UPF3B: variants seen among roughly 807,000 people sequenced by gnomAD.
UPF3B encodes regulator of nonsense transcripts 3B.
In UPF3B, 7 loss-of-function variants were observed where a neutral mutation model predicts 40.3. The ratio of observed to expected loss-of-function variants is 0.17; its 90% CI spans 0.10 to 0.33. UPF3B has a LOEUF of 0.33. Ranked by LOEUF, UPF3B falls within the 10% of genes least tolerant of loss-of-function variation. The pLI is 1.00. For synonymous variants in UPF3B, 117 were observed against 117.3 expected (o/e 1.00, Z 0.01); for missense variants, 229 against 358.9 (o/e 0.64, Z 2.93).
Position 119,851,814 on chromosome X carries a change from T to A in UPF3B, c.216A>T (p.Gln72His). The A allele has an allele frequency of 8.5e-7, 1 of 1,178,608 alleles. No individual in the cohort carries two copies. The highest frequency in any genetic ancestry group is 1.1e-6 in the Non-Finnish European group (1 of 879,917). ...LTKEQLQEHL[Q>H]PMPEHDYFEF... The stretch of plus-strand genomic sequence containing the variant: ...CAAAATAATCATGCTCAGGCATAGG[T>A]TGAAGATGTTCCTGAAGCTGCTCCT... The change falls in exon 2 of 11, where the codon CAA becomes CAT. Residue 72 changes from glutamine (Q) to histidine (H), a missense_variant. Coordinates refer to ENST00000276201, the MANE Select transcript of UPF3B (RefSeq NM_080632.3).
chrX:119,814,867 T>C (rs1051137136), intron 5 of UPF3B, among the ~76,000 whole-genome samples: 4 of 81,694 alleles, frequency 4.9e-5, no homozygotes, highest in East Asian at 7.0e-4. Flanking sequence ...TTCTTTTTTT[T>C]TTTTTTTTTT....
At chrX:119,811,858 G>A (rs2055829871) in intron 5 of UPF3B, among the ~76,000 whole-genome samples, 1 of 111,205 alleles carries the variant, frequency 9.0e-6, no homozygotes, top group African/African-American at 3.3e-5. Flanking sequence ...AGGCTGATGT[G>A]GGAGGATCAA....
intron 6 of UPF3B, among the ~76,000 whole-genome samples, chrX:119,806,390 G>A (rs1482641815): frequency 1.0e-5 from 1 of 95,321 alleles, no homozygotes; most frequent in African/African-American, 3.9e-5. Flanking sequence ...GCTAGATGAC[G>A]AGTTAGTGGG....
intron 4 of UPF3B, among the ~76,000 whole-genome samples, chrX:119,817,905 T>TGTA (rs2055878895): frequency 9.0e-6 from 1 of 111,509 alleles, no homozygotes; most frequent in Non-Finnish European, 1.9e-5. Flanking sequence ...ATGGATAACT[T>TGTA]GTAAGAAAGG....
intron 4 of UPF3B, among the ~76,000 whole-genome samples, chrX:119,819,725 A>C (rs2055894746): frequency 8.9e-6 from 1 of 112,243 alleles, no homozygotes; most frequent in Non-Finnish European, 1.9e-5. Context: ...ATACATACAT[A>C]AATGGCTAGT....
intron 5 of UPF3B, among the ~76,000 whole-genome samples, chrX:119,811,901 G>A (rs1047268446): frequency 9.0e-6 from 1 of 111,008 alleles, no homozygotes; most frequent in African/African-American, 3.3e-5. Context: ...GCAGTGAGCC[G>A]TGATTGTGCC....
intron 4 of UPF3B, among the ~76,000 whole-genome samples, chrX:119,822,601 CTTTA>C (rs1038483650): frequency 9.0e-6 from 1 of 111,536 alleles, no homozygotes; most frequent in African/African-American, 3.3e-5. Flanking sequence ...CTCCTCTCCT[CTTTA>C]TTTTTTTTTA....
At chrX:119,814,859 CTTTTTTTTTT>C (rs140201169) in intron 5 of UPF3B, among the ~76,000 whole-genome samples, 7 of 46,263 alleles carry the variant, frequency 1.5e-4, no homozygotes, top group Admixed American at 3.6e-4. Flanking sequence ...TTCTTTCTTT[CTTTTTTTTTT>C]TTTTTTTTTT....
chrX:119,851,374 T>TA, intron 3 of UPF3B, 121 bp downstream of exon 3: 4 of 538,094 alleles, frequency 7.4e-6, no homozygotes, highest in Non-Finnish European at 9.8e-6. Flanking sequence ...CACGTCTATT[T>TA]ATAAGACTGC....
At chrX:119,830,853 A>G (rs1343722673), downstream of UPF3B, among the ~76,000 whole-genome samples, 1 of 112,081 alleles carries the variant, frequency 8.9e-6, no homozygotes, top group Non-Finnish European at 1.9e-5. Context: ...CACTACACAA[A>G]GTCAACAGTT....
At chrX:119,820,798 G>A (rs759430659) in intron 4 of UPF3B, among the ~76,000 whole-genome samples, 1 of 111,169 alleles carries the variant, frequency 9.0e-6, no homozygotes, top group Non-Finnish European at 1.9e-5. Flanking sequence ...ATATAAAGCT[G>A]GACACGGTGG....
At chrX:119,824,806 G>A (rs1273020206) in intron 3 of UPF3B, among the ~76,000 whole-genome samples, 2 of 82,609 alleles carry the variant, frequency 2.4e-5, no homozygotes, top group Admixed American at 3.5e-4. Flanking sequence ...TTGCTCTGTC[G>A]CCCAGGCTGA....
intron 4 of UPF3B, among the ~76,000 whole-genome samples, chrX:119,844,617 T>G (rs1053561802): frequency 7.2e-5 from 8 of 110,651 alleles, no homozygotes; most frequent in Non-Finnish European, 1.3e-4. Flanking sequence ...TTTCTTTTTT[T>G]TTTGAGATGG....
At chrX:119,837,341 C>A (rs1440101735) in intron 10 of UPF3B, among the ~76,000 whole-genome samples, 1 of 109,046 alleles carries the variant, frequency 9.2e-6, no homozygotes, top group Admixed American at 9.8e-5. Context: ...GTTGGTCAGG[C>A]GTGGTGGCTC....
At position 119,823,973 on chromosome X, in the gene UPF3B, T is replaced by C. The variant is rs1041512166; in HGVS notation, c.393-930A>G. 1.3e-4 allele frequency among the ~76,000 whole-genome samples: 14 copies of C among 111,572 alleles called. 1 individual carries two copies. The highest frequency in any genetic ancestry group is 7.5e-5 in the Non-Finnish European group (4 of 53,092). On this transcript the variant is annotated intron_variant, in intron 3 of 6. Coordinates refer to the UPF3B transcript ENST00000636792. ...GTGCCTGGCCTATAGTTATTAAGGA[T>C]GTGAAATTATGCTTTATGAGGAAGT...
At chrX:119,821,536 G>A (rs748208697) in intron 4 of UPF3B, among the ~76,000 whole-genome samples, 4 of 112,469 alleles carry the variant, frequency 3.6e-5, no homozygotes, top group East Asian at 5.6e-4. Context: ...GGTGGCTCAC[G>A]CCTGTAATCC....
At chrX:119,849,672 G>A (rs778052604) in intron 3 of UPF3B, among the ~76,000 whole-genome samples, 5 of 111,323 alleles carry the variant, frequency 4.5e-5, no homozygotes, top group African/African-American at 6.5e-5. Flanking sequence ...CTGACTACCA[G>A]GCTAAGGAGT....
At chrX:119,835,903 G>C (rs1182016747) in intron 10 of UPF3B, among the ~76,000 whole-genome samples, 1 of 111,606 alleles carries the variant, frequency 9.0e-6, no homozygotes, top group Non-Finnish European at 1.9e-5. Context: ...CTTAAGCCCA[G>C]GAGGTCGAGG....
At chrX:119,846,554 C>T (rs1357137859) in intron 3 of UPF3B, among the ~76,000 whole-genome samples, 1 of 95,717 alleles carries the variant, frequency 1.0e-5, no homozygotes, top group Non-Finnish European at 2.1e-5. Context: ...ACAATTATTA[C>T]ATAGTAAAAT....
Sources: allele counts gnomAD v4.1 joint callset (sites outside exome capture counted in the v4.1 genomes callset), GRCh38; gene constraint gnomAD v4.1.1; transcripts MANE v1.5; gene names NCBI Gene and HGNC (gene_info 2026-07-23, HGNC 2026-07-21).